STAG3: variants seen among roughly 807,000 people sequenced by gnomAD.
The protein encoded by STAG3 is STAG3 cohesin complex component, also known as cohesin subunit SA-3.
Under a neutral mutation model 160.7 loss-of-function variants are expected in STAG3, and 101 were observed. That is an observed-to-expected ratio of 0.63 (90% CI 0.54 to 0.74). The LOEUF is 0.74. STAG3 is among the 30% of genes least tolerant of loss of function. The probability of loss-of-function intolerance (pLI) is 0.00; values close to 1 mark genes in which losing one functional copy is unlikely to be tolerated. For missense variants in STAG3, 1,188 were observed against 1,517.4 expected, an observed-to-expected ratio of 0.78 and a Z score of 3.61; for synonymous variants, 519 against 585.0, an observed-to-expected ratio of 0.89 and a Z score of 1.63.
rs747671188 is a variant in STAG3 at position 100,200,807 on chromosome 7, G to GTTCAC, written c.1899_1900insTTCAC (p.Val634PhefsTer3). The GTTCAC allele has an allele frequency of 1.2e-6, 2 of 1,614,216 alleles. No homozygotes were observed. Among genetic ancestry groups the GTTCAC allele is most frequent in the Non-Finnish European group, 1.7e-6 (2 of 1,180,030 alleles). On this transcript the variant is annotated frameshift_variant, in exon 19 of 34. Coordinates refer to ENST00000615138, the MANE Select transcript of STAG3 (RefSeq NM_001282717.2). LOFTEE classifies it high-confidence loss of function. ...TCCTGCAGCAACTCCAGGAGGTGGTGGTGAAGCATGCAGAGCCAGCGGTGC... is the reference window on the plus strand; with the variant it reads ...TCCTGCAGCAACTCCAGGAGGTGGTGTTCACGTGAAGCATGCAGAGCCAGCGGTGC...
Position 100,200,332 on chromosome 7 carries a change from C to T in STAG3, c.1770+4C>T, listed in dbSNP as rs1431197760. On this transcript the variant is annotated splice_donor_region_variant and intron_variant, in intron 17 of 33. Transcript: ENST00000615138. ...GCTGCCCCAGCTCCTGGCCAAGGTA[C>T]CGCTGCCCCTCCACTCTGCATCACA... The T allele has an allele frequency of 1.7e-5, 28 of 1,613,764 alleles. No homozygotes were observed. In the Admixed American group the frequency reaches 4.0e-4, roughly 23 times the overall value.
rs748197666 is a variant in STAG3, at chr7:100,202,504, C to G, written c.2614C>G (p.Arg872Gly). The G allele has an allele frequency of 3.1e-6, 5 of 1,614,182 alleles. No individual in the cohort carries two copies. The East Asian group carries it at 8.9e-5, about 29-fold the overall frequency. The change falls in exon 25 of 34, where the codon CGC becomes GGC. Residue 872 changes from arginine to glycine, a missense_variant. By Grantham distance (125) the Arg-to-Gly change is moderately radical. Coordinates refer to ENST00000615138, the MANE Select transcript of STAG3 (RefSeq NM_001282717.2). ...LQIERLHQRR[R>G]LLAGFCKLLL... Reference sequence around the variant, plus strand: ...GATAGAGCGGCTACACCAGCGGCGCCGCCTCCTAGCCGGGTTCTGCAAGCT... The same window carrying G: ...GATAGAGCGGCTACACCAGCGGCGCGGCCTCCTAGCCGGGTTCTGCAAGCT...
intron 21 of STAG3, 58 bp downstream of exon 21, chr7:100,201,409 C>T (rs1042706542): frequency 1.1e-5 from 17 of 1,481,624 alleles, no homozygotes; most frequent in Admixed American, 5.1e-5. Context: ...TAAGGACCTA[C>T]GTTCTAGGTG....
At chr7:100,213,533 G>A (rs1802470606) in intron 32 of STAG3, 2 of 985,348 alleles carry the variant, frequency 2.0e-6, no homozygotes, top group Non-Finnish European at 1.2e-6. Context: ...GTCATTTAAG[G>A]GGCTCAGTCA....
chr7:100,198,397 C>T (rs1584713940), intron 12 of STAG3, 78 bp from the exon 13 acceptor site: 1 of 1,504,418 alleles, frequency 6.6e-7, no homozygotes, highest in South Asian at 1.1e-5. Context: ...TTGCTTTTGC[C>T]TCTTTTTGTT....
At chr7:100,189,997 G>A (rs562879637) in intron 8 of STAG3, among the ~76,000 whole-genome samples, 6 of 152,198 alleles carry the variant, frequency 3.9e-5, no homozygotes, top group African/African-American at 1.4e-4. Flanking sequence ...TCAAGGAATG[G>A]AAAGAAAACA....
rs1251996684 is a variant in STAG3, at chr7:100,200,840, T to TG, written c.1936dup (p.Ala646GlyfsTer9). On this transcript the variant is annotated frameshift_variant, in exon 19 of 34. Transcript: ENST00000615138. LOFTEE classifies it high-confidence loss of function. ...ATGCAGAGCCAGCGGTGCTTGAGGC[T>TG]GGGGCGCATGCCCTCTACCTGCTCT... is the stretch of plus-strand genomic sequence containing the variant. The TG allele has an allele frequency of 6.2e-7, 1 of 1,614,100 alleles. No homozygotes were observed. Among genetic ancestry groups the TG allele is most frequent in the Admixed American group, 1.7e-5 (1 of 60,000 alleles).
chr7:100,200,853 C>T lies in STAG3; in HGVS notation c.1945C>T (p.Leu649Phe). The change falls in exon 19 of 34, where the codon CTC becomes TTC. Residue 649 changes from leucine (L) to phenylalanine (F), a missense_variant. Leu to Phe is a conservative substitution (Grantham distance 22). Transcript: ENST00000615138. ...GGTGCTTGAGGCTGGGGCGCATGCC[C>T]TCTACCTGCTCTGTAATCCCGAATT... is the stretch of plus-strand genomic sequence containing the variant. The part of the protein sequence containing the change: ...PAVLEAGAHA[L>F]YLLCNPEFTF... 1.9e-6 allele frequency: 3 copies of T among 1,614,202 alleles called. No homozygotes were observed. The highest frequency in any genetic ancestry group is 2.5e-6 in the Non-Finnish European group (3 of 1,180,036).
intron 8 of STAG3, among the ~76,000 whole-genome samples, chr7:100,194,606 A>T (rs1306067942): frequency 2.0e-5 from 3 of 152,050 alleles, no homozygotes; most frequent in African/African-American, 7.2e-5. Context: ...GGGCAAACAT[A>T]GGGAGAGCCC....
chr7:100,200,782 T>TC lies in STAG3; in HGVS notation c.1876dup (p.Leu626ProfsTer18). The stretch of plus-strand genomic sequence containing the variant: ...TTTTCTTCTCAGCACCTGGAGCTGT[T>TC]CCTGCAGCAACTCCAGGAGGTGGTG... On this transcript the variant is annotated frameshift_variant, in exon 19 of 34. Coordinates refer to ENST00000615138, the MANE Select transcript of STAG3 (RefSeq NM_001282717.2). LOFTEE classifies it high-confidence loss of function. 6.2e-7 allele frequency: 1 copy of TC among 1,614,182 alleles called. No homozygotes were observed. The highest frequency in any genetic ancestry group is 8.5e-7 in the Non-Finnish European group (1 of 1,180,024).
rs1800191281 is a variant in STAG3, at chr7:100,188,959, C to T, written c.658C>T (p.Leu220Phe). The T allele has an allele frequency of 6.2e-7, 1 of 1,614,200 alleles. No individual in the cohort carries two copies. The highest frequency in any genetic ancestry group is 8.5e-7 in the Non-Finnish European group (1 of 1,180,040). The change falls in exon 7 of 34, where the codon CTC (leucine) becomes TTC (phenylalanine). Residue 220 changes from leucine to phenylalanine, a missense_variant. By Grantham distance (22) the Leu-to-Phe change is conservative (BLOSUM62 0). This residue lies in a region of STAG3 where 296 missense variants were observed against 404.0 expected (regional missense o/e 0.73). Transcript: ENST00000615138. ...GFPMDDLISLLTGLSDSQVRA... is the reference protein window; with the variant it reads ...GFPMDDLISLFTGLSDSQVRA... ...CCCTATGGACGACCTCATCTCCCTG[C>T]TCACTGGCCTCTCAGACTCACAAGT...
intron 25 of STAG3, 71 bp downstream of exon 25, chr7:100,202,661 T>C: frequency 6.4e-7 from 1 of 1,556,632 alleles, no homozygotes; most frequent in South Asian, 1.2e-5. Flanking sequence ...GGAAACATAA[T>C]AGCACTACAG....
intron 18 of STAG3, 71 bp downstream of exon 18, chr7:100,200,613 T>C (rs868440444): frequency 1.3e-6 from 2 of 1,568,790 alleles, no homozygotes; most frequent in Middle Eastern, 4.3e-4. Flanking sequence ...CCAGTATCTT[T>C]TTTTCCTAAG....
chr7:100,181,174 G>T (rs1184695128), intron 2 of STAG3, among the ~76,000 whole-genome samples: 1 of 152,038 alleles, frequency 6.6e-6, no homozygotes, highest in Non-Finnish European at 1.5e-5. Flanking sequence ...TGGGGATTTT[G>T]TAAATAGGTC....
At chr7:100,209,325 T>G (rs1475434456) in intron 29 of STAG3, among the ~76,000 whole-genome samples, 2 of 152,056 alleles carry the variant, frequency 1.3e-5, no homozygotes, top group Non-Finnish European at 2.9e-5. Context: ...TTAGTGTGTA[T>G]CAGAATAGCA....
chr7:100,190,645 T>C (rs1424426502), intron 8 of STAG3, among the ~76,000 whole-genome samples: 1 of 152,186 alleles, frequency 6.6e-6, no homozygotes, highest in East Asian at 1.9e-4. Flanking sequence ...ACTATTTTCT[T>C]CTCTCCACTT....
chr7:100,210,222 C>T (rs984798781), intron 29 of STAG3, among the ~76,000 whole-genome samples: 6 of 152,162 alleles, frequency 3.9e-5, no homozygotes, highest in Non-Finnish European at 8.8e-5. Flanking sequence ...TCCCTGTTTT[C>T]TGTAGCCCTC....
At chr7:100,187,760 T>A (rs953616253) in intron 5 of STAG3, among the ~76,000 whole-genome samples, 14 of 129,850 alleles carry the variant, frequency 1.1e-4, no homozygotes, top group African/African-American at 3.9e-4. Context: ...CTGCATCATC[T>A]TTTTTTTTTT....
At chr7:100,189,076 C>T in intron 7 of STAG3, 60 bp downstream of exon 7, 2 of 1,575,996 alleles carry the variant, frequency 1.3e-6, no homozygotes, top group Non-Finnish European at 8.7e-7. Context: ...TTCCTCTGTT[C>T]TCTGATTCAG....
Sources: allele counts gnomAD v4.1 joint callset (sites outside exome capture counted in the v4.1 genomes callset), GRCh38; gene constraint gnomAD v4.1.1; regional missense constraint gnomAD v4.1.1; transcripts MANE v1.5; gene names NCBI Gene and HGNC (gene_info 2026-07-23, HGNC 2026-07-21).